UBE3D: variants seen among roughly 807,000 people sequenced by gnomAD.
UBE3D encodes E3 ubiquitin-protein ligase E3D.
UBE3D carries 48 observed loss-of-function variants against 49.6 expected under a neutral mutation model. The ratio of observed to expected loss-of-function variants is 0.97; its 90% confidence interval spans 0.77 to 1.23. The LOEUF (loss-of-function observed/expected upper bound fraction) is 1.23, where lower values mean the gene tolerates loss of function less well. Ranked by LOEUF, UBE3D falls within the 50% of genes most tolerant of loss-of-function variation. The pLI, the probability that UBE3D is intolerant of heterozygous loss-of-function variation, is 0.00. For missense variants in UBE3D, 452 were observed against 468.4 expected, an observed-to-expected ratio of 0.96 and a Z score of 0.32; for synonymous variants, 189 against 174.2, an observed-to-expected ratio of 1.08 and a Z score of -0.67.
chr6:83,045,807 A>G (rs188672539), intron 3 of UBE3D, among the ~76,000 whole-genome samples: 3 of 152,238 alleles, frequency 2.0e-5, no homozygotes, highest in Non-Finnish European at 4.4e-5. Context: ...CTGTTTTTCC[A>G]CTAATATCCT....
At chr6:82,944,409 C>G (rs1011603769) in intron 9 of UBE3D, among the ~76,000 whole-genome samples, 5 of 152,138 alleles carry the variant, frequency 3.3e-5, no homozygotes, top group Non-Finnish European at 1.5e-5. Flanking sequence ...CAGGCAAAGC[C>G]TATCATCTGA....
intron 8 of UBE3D, among the ~76,000 whole-genome samples, chr6:83,016,898 T>G (rs1780737223): frequency 6.6e-6 from 1 of 152,088 alleles, no homozygotes; most frequent in Non-Finnish European, 1.5e-5. Flanking sequence ...GCCAATCTAG[T>G]CTTTTCATGT....
chr6:82,967,067 C>T (rs1201546778), intron 8 of UBE3D, among the ~76,000 whole-genome samples: 1 of 152,070 alleles, frequency 6.6e-6, no homozygotes, highest in Admixed American at 6.6e-5. Flanking sequence ...AATCAAGCCC[C>T]ACATGATTTA....
chr6:82,971,216 C>A (rs1777328790), intron 8 of UBE3D, among the ~76,000 whole-genome samples: 1 of 151,948 alleles, frequency 6.6e-6, no homozygotes, highest in African/African-American at 2.4e-5. Flanking sequence ...TAAATATAAC[C>A]ATTTAGGAAA....
intron 8 of UBE3D, among the ~76,000 whole-genome samples, chr6:83,016,584 C>T (rs753387067): frequency 3.7e-4 from 56 of 151,584 alleles, no homozygotes; most frequent in Non-Finnish European, 7.5e-4. Flanking sequence ...TCTAGAGGGA[C>T]GGAACTAATA....
intron 9 of UBE3D, among the ~76,000 whole-genome samples, chr6:82,946,373 GA>G (rs1231468082): frequency 8.8e-5 from 13 of 146,922 alleles, no homozygotes; most frequent in Non-Finnish European, 7.5e-5. Flanking sequence ...AATGCTGAAG[GA>G]AAAAAAAAAA....
At chr6:83,049,427 A>G (rs1582746914) in intron 3 of UBE3D, among the ~76,000 whole-genome samples, 1 of 152,248 alleles carries the variant, frequency 6.6e-6, no homozygotes. Flanking sequence ...CGTACATAGT[A>G]TGATTTGAGC....
intron 3 of UBE3D, among the ~76,000 whole-genome samples, chr6:83,047,133 T>C (rs900037769): frequency 2.6e-5 from 4 of 152,204 alleles, no homozygotes; most frequent in African/African-American, 7.2e-5. Flanking sequence ...TGTTGCACAC[T>C]GGAATTAAGG....
intron 3 of UBE3D, among the ~76,000 whole-genome samples, chr6:83,046,332 C>T (rs1283750949): frequency 1.3e-5 from 2 of 151,788 alleles, no homozygotes; most frequent in African/African-American, 2.4e-5. Context: ...GAAGAGGGTA[C>T]ACAATTTATA....
At chr6:82,890,255 T>C (rs1249367888), downstream of UBE3D, among the ~76,000 whole-genome samples, 3 of 152,134 alleles carry the variant, frequency 2.0e-5, no homozygotes, top group African/African-American at 7.2e-5. Flanking sequence ...ATGTGTCTCA[T>C]ACACACCAAT....
intron 9 of UBE3D, among the ~76,000 whole-genome samples, chr6:82,905,322 C>A (rs1034207387): frequency 6.6e-6 from 1 of 152,088 alleles, no homozygotes; most frequent in Non-Finnish European, 1.5e-5. Flanking sequence ...ATATTTTGAA[C>A]TTTTCCTTTA....
chr6:82,991,426 C>A (rs1778874812), intron 8 of UBE3D, among the ~76,000 whole-genome samples: 3 of 152,080 alleles, frequency 2.0e-5, no homozygotes, highest in Admixed American at 2.0e-4. Context: ...TACATAAATA[C>A]CTGGCATGAC....
intron 9 of UBE3D, among the ~76,000 whole-genome samples, chr6:82,919,847 T>A (rs1773198477): frequency 6.6e-6 from 1 of 151,992 alleles, no homozygotes; most frequent in South Asian, 2.1e-4. Context: ...TTTAGGAGAA[T>A]GAGAACTTGC....
chr6:82,941,656 A>C (rs1342370616), intron 9 of UBE3D, among the ~76,000 whole-genome samples: 1 of 152,130 alleles, frequency 6.6e-6, no homozygotes, highest in Admixed American at 6.5e-5. Context: ...ATCCCCATGC[A>C]TCAGGGGCAG....
chr6:82,938,277 G>A (rs1211044027), intron 9 of UBE3D: 2 of 152,198 alleles, frequency 1.3e-5, no homozygotes, highest in South Asian at 2.1e-4. Flanking sequence ...CTGCCTAGAA[G>A]AGGGTCAGCA....
chr6:82,918,496 T>C (rs1773093498), intron 9 of UBE3D, among the ~76,000 whole-genome samples: 1 of 152,100 alleles, frequency 6.6e-6, no homozygotes, highest in South Asian at 2.1e-4. Context: ...AGTTGAAAAC[T>C]AAACAAAGCA....
chr6:83,009,916 A>C (rs771614640), intron 8 of UBE3D, among the ~76,000 whole-genome samples: 1 of 151,674 alleles, frequency 6.6e-6, no homozygotes, highest in Non-Finnish European at 1.5e-5. Context: ...TTTTTAAGGA[A>C]GTATTTATAA....
intron 3 of UBE3D, among the ~76,000 whole-genome samples, chr6:83,050,979 G>A (rs563630236): frequency 3.0e-4 from 45 of 152,276 alleles, no homozygotes; most frequent in African/African-American, 4.3e-4. Context: ...TCATTTCCTC[G>A]GCACCTGCAG....
At chr6:83,053,341 T>C (rs147638783) in intron 3 of UBE3D, among the ~76,000 whole-genome samples, 1 of 152,200 alleles carries the variant, frequency 6.6e-6, no homozygotes, top group Non-Finnish European at 1.5e-5. Flanking sequence ...ATCCGTTCAC[T>C]TATAAGTCTT....
Sources: gnomAD v4.1 joint callset for allele counts (sites outside exome capture counted in the v4.1 genomes callset) on GRCh38, gnomAD v4.1.1 for gene constraint, MANE v1.5 for transcripts, NCBI Gene and HGNC (gene_info 2026-07-23, HGNC 2026-07-21) for gene names.